ABTB2: variants seen among roughly 807,000 people sequenced by gnomAD.
ABTB2 encodes ankyrin repeat and BTB/POZ domain-containing protein 2.
In ABTB2, 56 loss-of-function variants were observed where a neutral mutation model predicts 104.1. The observed-to-expected ratio is 0.54, with a 90% CI of 0.43 to 0.67. ABTB2 has a LOEUF of 0.67. Among genes scored for constraint, ABTB2 ranks in the 30% least tolerant of loss-of-function variants. The probability of loss-of-function intolerance (pLI) is 0.00; values close to 1 mark genes in which losing one functional copy is unlikely to be tolerated. For missense variants in ABTB2, 1,279 were observed against 1,407.7 expected, an observed-to-expected ratio of 0.91 and a Z score of 1.46; for synonymous variants, 606 against 608.2, an observed-to-expected ratio of 1.00 and a Z score of 0.05.
Position 34,248,114 on chromosome 11 carries a change from A to ATTTTTTTTTTTTTTTTTTTTTTTT in ABTB2, c.884-43425_884-43424insAAAAAAAAAAAAAAAAAAAAAAAA, listed in dbSNP as rs1363625721. On this transcript the variant is annotated intron_variant, in intron 1 of 16. Transcript: ENST00000435224. ...TTTTTCTTAAAAAAAAAAAAAAAAA[A>ATTTTTTTTTTTTTTTTTTTTTTTT]AAAAAAAACAGGGTCTTGCCCTGTC... Among the ~76,000 whole-genome samples the ATTTTTTTTTTTTTTTTTTTTTTTT allele has an allele frequency of 6.6e-3, 839 of 126,298 alleles. 49 individuals are homozygous for ATTTTTTTTTTTTTTTTTTTTTTTT. Among genetic ancestry groups the ATTTTTTTTTTTTTTTTTTTTTTTT allele is most frequent in the African/African-American group, 0.025 (798 of 32,066 alleles). The allele number at this position is 126,298 out of a possible 152,430, so 82.9% of individuals were successfully genotyped here. A position where few individuals can be genotyped will look rare whatever the true frequency, so the allele number is the denominator to read the frequency against.
intron 4 of ABTB2, among the ~76,000 whole-genome samples, chr11:34,172,447 T>TAGATAGATAGAC (rs1852895114): frequency 9.5e-6 from 1 of 105,798 alleles, no homozygotes; most frequent in African/African-American, 4.0e-5. Flanking sequence ...TATAGATAGA[T>TAGATAGATAGAC]AGATAGATAG....
intron 1 of ABTB2, among the ~76,000 whole-genome samples, chr11:34,318,667 C>T (rs1854968279): frequency 1.3e-5 from 2 of 152,148 alleles, no homozygotes; most frequent in South Asian, 4.1e-4. Context: ...GGTGGTTTTA[C>T]TAGACTGTGA....
At chr11:34,200,216 A>G (rs1853319267) in intron 2 of ABTB2, among the ~76,000 whole-genome samples, 1 of 152,286 alleles carries the variant, frequency 6.6e-6, no homozygotes, top group African/African-American at 2.4e-5. Flanking sequence ...ATAGCATCAA[A>G]GAGAAACCTT....
At chr11:34,215,518 T>G (rs1279766767) in intron 1 of ABTB2, among the ~76,000 whole-genome samples, 1 of 152,210 alleles carries the variant, frequency 6.6e-6, no homozygotes, top group East Asian at 1.9e-4. Flanking sequence ...TTCAATCAGC[T>G]TCGGTTCCAA....
Position 34,356,282 on chromosome 11 carries a change from C to A in ABTB2, c.883+419G>T, listed in dbSNP as rs528180926. ...GGACCCTTTGGTTGCTGCTATTGAG[C>A]TGGGGAAAACTAGGGGGCAGAATCA... On this transcript the variant is annotated intron_variant, in intron 1 of 16. Transcript: ENST00000435224. This position sits in a 1 kb window ranked among gnomAD's most constrained non-coding sequence, Gnocchi z 4.6. Among the ~76,000 whole-genome samples the A allele has an allele frequency of 3.3e-5, 5 of 152,270 alleles. No individual in the cohort carries two copies. In the South Asian group the frequency reaches 6.2e-4, roughly 19 times the overall value.
At chr11:34,317,279 T>A (rs779847238) in intron 1 of ABTB2, among the ~76,000 whole-genome samples, 11 of 152,140 alleles carry the variant, frequency 7.2e-5, no homozygotes, top group South Asian at 2.1e-4. Flanking sequence ...TCTGTTCAGA[T>A]CTCCATCACA....
intron 1 of ABTB2, among the ~76,000 whole-genome samples, chr11:34,277,807 T>G (rs1450384547): frequency 4.1e-4 from 60 of 146,636 alleles, no homozygotes; most frequent in Admixed American, 3.4e-3. Flanking sequence ...CTCTTTTTTT[T>G]TTTTTTTTTT....
rs1271254138 is a variant in ABTB2, at chr11:34,178,070, C to T, written c.1245-4763G>A. 5.3e-5 allele frequency among the ~76,000 whole-genome samples: 8 copies of T among 152,348 alleles called. No homozygotes were observed. The East Asian group carries it at 1.5e-3, about 29-fold the overall frequency. ...ACTCCCTGCATTAAATCATCTCCTGCTTACAATACCCAGAATGCTGCTTCC... is the reference window on the plus strand; with the variant it reads ...ACTCCCTGCATTAAATCATCTCCTGTTTACAATACCCAGAATGCTGCTTCC... On this transcript the variant is annotated intron_variant, in intron 3 of 16. Coordinates refer to ENST00000435224, the MANE Select transcript of ABTB2 (RefSeq NM_145804.3).
chr11:34,357,043 C>T lies in ABTB2; in HGVS notation c.541G>A (p.Ala181Thr), dbSNP rs1220959138. The T allele has an allele frequency of 1.3e-6, 2 of 1,534,232 alleles. No individual in the cohort carries two copies. The highest frequency in any genetic ancestry group is 4.0e-5 in the Admixed American group (2 of 49,930). ...GCGCTCATGCTGTACAGGGACAGCG[C>T]CTTGACGGCTGCCAGCGCGCAGCTC... The part of the protein sequence containing the change: ...AESCALAAVK[A>T]LSLYSMSAGD... The change falls in exon 1 of 17, where the codon GCG becomes ACG. Residue 181 changes from alanine (A) to threonine (T), a missense_variant. Coordinates refer to ENST00000435224, the MANE Select transcript of ABTB2 (RefSeq NM_145804.3).
intron 1 of ABTB2, among the ~76,000 whole-genome samples, chr11:34,329,986 G>C (rs1855111035): frequency 6.6e-6 from 1 of 152,234 alleles, no homozygotes; most frequent in Non-Finnish European, 1.5e-5. Context: ...CTGTGCCCAA[G>C]TATGAGTCCA....
chr11:34,264,612 C>G (rs1348680344), intron 1 of ABTB2, among the ~76,000 whole-genome samples: 2 of 152,166 alleles, frequency 1.3e-5, no homozygotes, highest in African/African-American at 4.8e-5. Flanking sequence ...CCAAGCTGAT[C>G]AAAGAAGCCC....
At chr11:34,274,365 A>G (rs1422444642) in intron 1 of ABTB2, among the ~76,000 whole-genome samples, 1 of 151,992 alleles carries the variant, frequency 6.6e-6, no homozygotes, top group Non-Finnish European at 1.5e-5. Flanking sequence ...CAGGATTCAA[A>G]CCCAGGCTGA....
chr11:34,185,010 G>A (rs140539851), intron 3 of ABTB2, among the ~76,000 whole-genome samples: 142 of 152,340 alleles, frequency 9.3e-4, no homozygotes, highest in Non-Finnish European at 1.1e-3. Context: ...GGAGGACCCC[G>A]AGGTTTATCC....
chr11:34,235,054 G>A (rs926293198), intron 1 of ABTB2, among the ~76,000 whole-genome samples: 2 of 152,034 alleles, frequency 1.3e-5, no homozygotes, highest in African/African-American at 4.8e-5. Flanking sequence ...GTAGAGATGG[G>A]GTTTCACCGT....
At chr11:34,165,221 G>C (rs1181896735) in intron 8 of ABTB2, 39 bp downstream of exon 8, 4 of 1,516,872 alleles carry the variant, frequency 2.6e-6, no homozygotes, top group Non-Finnish European at 3.6e-6. Flanking sequence ...GGGCACTGCA[G>C]GGAAGGGTAG....
At position 34,154,463 on chromosome 11, in the gene ABTB2, G is replaced by A. The variant is rs796576296; in HGVS notation, c.2767-85C>T. The A allele has an allele frequency of 2.8e-5, 29 of 1,040,270 alleles. No homozygotes were observed. The African/African-American group carries it at 3.9e-4, about 14-fold the overall frequency. 64.4% of individuals were successfully genotyped at this position (1,040,270 alleles called of 1,614,324 possible). On this transcript the variant is annotated intron_variant, in intron 15 of 16. Transcript: ENST00000435224. This position sits in a 1 kb window ranked among gnomAD's most constrained non-coding sequence, Gnocchi z 4.9. The stretch of plus-strand genomic sequence containing the variant: ...ACCGAACAGAAAGCTCCCGAGTGCC[G>A]TGTGCCCTGCTGCCTCCACCCTCAG...
intron 3 of ABTB2, among the ~76,000 whole-genome samples, chr11:34,190,038 G>C (rs1853152121): frequency 1.3e-5 from 2 of 152,106 alleles, no homozygotes; most frequent in Admixed American, 6.5e-5. Flanking sequence ...ACAGGAGTTT[G>C]AGACCAGCCT....
rs1282569130 is a variant in ABTB2 at position 34,357,638 on chromosome 11, C to T, written c.-55G>A. 8 of 1,440,920 alleles carry T rather than the reference C, an allele frequency of 5.6e-6. No individual in the cohort carries two copies. The highest frequency in any genetic ancestry group is 1.4e-5 in the African/African-American group (1 of 69,546). The allele number at this position is 1,440,920 out of a possible 1,614,324, so 89.3% of individuals were successfully genotyped here. ...GCGAGGGGCACTCACAACTCCATGC[C>T]CTCTTTCCCAAGTGGGCAGAAACAA... is the stretch of plus-strand genomic sequence containing the variant. On this transcript the variant is annotated 5_prime_UTR_variant, in exon 1 of 17. Transcript: ENST00000435224.
intron 1 of ABTB2, among the ~76,000 whole-genome samples, chr11:34,346,053 T>C (rs1590265328): frequency 6.6e-6 from 1 of 152,160 alleles, no homozygotes; most frequent in Non-Finnish European, 1.5e-5. Context: ...AGAGCCTGTA[T>C]ACCTCGGAGC....
Sources: gnomAD v4.1 joint callset for allele counts (sites outside exome capture counted in the v4.1 genomes callset) on GRCh38, gnomAD v4.1.1 for gene constraint, Gnocchi (gnomAD v3.1) non-coding constraint, MANE v1.5 for transcripts, NCBI Gene and HGNC (gene_info 2026-07-23, HGNC 2026-07-21) for gene names.